EVA1A: variants seen among roughly 807,000 people sequenced by gnomAD.
EVA1A encodes eva-1 homolog A, regulator of programmed cell death, also known as protein eva-1 homolog A.
EVA1A carries 7 observed loss-of-function variants against 9.8 expected under a neutral mutation model. The ratio of observed to expected loss-of-function variants is 0.71; its 90% CI spans 0.41 to 1.34. EVA1A has a LOEUF of 1.34. Among genes scored for constraint, EVA1A ranks in the 40% most tolerant of loss-of-function variants. The pLI, the probability that EVA1A is intolerant of heterozygous loss-of-function variation, is 0.01. For missense variants in EVA1A, 206 were observed against 205.9 expected, an observed-to-expected ratio of 1.00 and a Z score of 0.00; for synonymous variants, 90 against 85.6, an observed-to-expected ratio of 1.05 and a Z score of -0.28.
Position 75,513,376 on chromosome 2 carries a change from C to G in EVA1A, c.85+4680G>C, listed in dbSNP as rs183185686. On this transcript the variant is annotated intron_variant, in intron 3 of 3. Coordinates refer to ENST00000393913, the MANE Select transcript of EVA1A (RefSeq NM_001135032.2). ...CATTAGAACTCTAGACTTATTCATCCCAGAAAACTGCAAGTTTGTATCTTT... is the reference window on the plus strand; with the variant it reads ...CATTAGAACTCTAGACTTATTCATCGCAGAAAACTGCAAGTTTGTATCTTT... Among the ~76,000 whole-genome samples, 750 of 152,242 alleles carry G rather than the reference C, an allele frequency of 4.9e-3. 6 individuals carry two copies. The highest frequency in any genetic ancestry group is 0.01 in the Middle Eastern group (3 of 294).
chr2:75,518,678 C>A, intron 2 of EVA1A: 1 of 987,624 alleles, frequency 1.0e-6, no homozygotes, highest in South Asian at 4.7e-5. Context: ...CCCTGGTTCA[C>A]CTTTGAGGCA....
intron 1 of EVA1A, among the ~76,000 whole-genome samples, chr2:75,537,259 C>G (rs1298611750): frequency 6.6e-6 from 1 of 152,088 alleles, no homozygotes; most frequent in Non-Finnish European, 1.5e-5. Flanking sequence ...AAATTCAACA[C>G]CCATTCATGA....
At chr2:75,518,806 T>C in intron 2 of EVA1A, 3 of 985,564 alleles carry the variant, frequency 3.0e-6, no homozygotes, top group Non-Finnish European at 3.6e-6. Flanking sequence ...CTTGTGTACC[T>C]TGATCAGTTT....
intron 3 of EVA1A, among the ~76,000 whole-genome samples, chr2:75,509,306 A>C (rs907316700): frequency 6.6e-6 from 1 of 152,204 alleles, no homozygotes; most frequent in South Asian, 2.1e-4. Context: ...TAAATGACTG[A>C]ATTTTGGGTA....
chr2:75,561,922 A>C (rs1676933352), upstream of EVA1A, among the ~76,000 whole-genome samples: 1 of 151,992 alleles, frequency 6.6e-6, no homozygotes. Context: ...GATGAAGGAG[A>C]GAGGTGACTC....
At position 75,530,563 on chromosome 2, in the gene EVA1A, T is replaced by G. The variant is rs1314918765; in HGVS notation, c.-191-8076A>C. Among the ~76,000 whole-genome samples the G allele has an allele frequency of 2.0e-5, 3 of 152,166 alleles. No individual in the cohort carries two copies. In the East Asian group the frequency reaches 5.8e-4, roughly 29 times the overall value. On this transcript the variant is annotated intron_variant, in intron 1 of 3. Transcript: ENST00000393913. ...AAAAAAATAGTCCACCATGATCAAG[T>G]GGGTTTTATGCCAGGGATACAGGGA...
upstream of EVA1A, among the ~76,000 whole-genome samples, chr2:75,564,635 C>T (rs1280798714): frequency 3.3e-5 from 5 of 152,174 alleles, no homozygotes; most frequent in East Asian, 9.6e-4. Flanking sequence ...TGTGGCATTC[C>T]CTCAGTGGCG....
chr2:75,504,790 T>C (rs1674551668), intron 3 of EVA1A, among the ~76,000 whole-genome samples: 2 of 149,256 alleles, frequency 1.3e-5, no homozygotes, highest in Admixed American at 1.3e-4. Context: ...CACACAGGGC[T>C]TGTCGGGGGG....
chr2:75,504,281 G>A (rs1165414703), intron 3 of EVA1A, among the ~76,000 whole-genome samples: 1 of 151,974 alleles, frequency 6.6e-6, no homozygotes, highest in Non-Finnish European at 1.5e-5. Flanking sequence ...CGTGGTGGTG[G>A]GTGCCTGTAA....
intron 1 of EVA1A, among the ~76,000 whole-genome samples, chr2:75,558,055 G>T (rs1676784515): frequency 6.6e-6 from 1 of 152,242 alleles, no homozygotes; most frequent in Admixed American, 6.5e-5. Flanking sequence ...TTAGCTCCAT[G>T]ACTCTGGGCA....
At chr2:75,514,464 T>C (rs1018931239) in intron 3 of EVA1A, among the ~76,000 whole-genome samples, 8 of 152,188 alleles carry the variant, frequency 5.3e-5, no homozygotes, top group Non-Finnish European at 1.2e-4. Flanking sequence ...TTGTCTACTA[T>C]ATGTATGGTA....
At chr2:75,509,925 T>TG (rs1036749800) in intron 3 of EVA1A, among the ~76,000 whole-genome samples, 2 of 151,408 alleles carry the variant, frequency 1.3e-5, no homozygotes, top group Admixed American at 6.6e-5. Flanking sequence ...CCTAATGAAG[T>TG]GGGGGGTGGG....
At chr2:75,548,429 C>T (rs1257231463) in intron 1 of EVA1A, among the ~76,000 whole-genome samples, 1 of 152,186 alleles carries the variant, frequency 6.6e-6, no homozygotes, top group African/African-American at 2.4e-5. Flanking sequence ...GCCACCCTGC[C>T]TGGCCTCCTT....
chr2:75,500,506 T>G (rs1354777446), intron 3 of EVA1A, among the ~76,000 whole-genome samples: 1 of 152,034 alleles, frequency 6.6e-6, no homozygotes, highest in Admixed American at 6.5e-5. Flanking sequence ...TATTTATTCA[T>G]GAGTACCTAA....
intron 1 of EVA1A, among the ~76,000 whole-genome samples, chr2:75,558,998 A>AGGGAAAGACT (rs1407074840): frequency 1.3e-5 from 2 of 152,200 alleles, no homozygotes; most frequent in African/African-American, 4.8e-5. Context: ...ACTGGAATGG[A>AGGGAAAGACT]GGGAAAGACT....
At chr2:75,532,714 G>T (rs1439607345) in intron 1 of EVA1A, among the ~76,000 whole-genome samples, 3 of 152,116 alleles carry the variant, frequency 2.0e-5, no homozygotes, top group East Asian at 3.8e-4. Flanking sequence ...AGTAATCAAA[G>T]AAATAATGGC....
chr2:75,511,199 T>C (rs1168353691), intron 3 of EVA1A, among the ~76,000 whole-genome samples: 2 of 152,230 alleles, frequency 1.3e-5, no homozygotes, highest in Non-Finnish European at 2.9e-5. Context: ...TAGGAGTAAA[T>C]TGGTAAAATT....
At chr2:75,561,221 C>T (rs1676913512), upstream of EVA1A, 1 of 152,216 alleles carries the variant, frequency 6.6e-6, no homozygotes, top group South Asian at 2.1e-4. Flanking sequence ...TCCAGGCTTT[C>T]CCCCTGCTGG....
chr2:75,535,431 A>G (rs1321445029), intron 1 of EVA1A, among the ~76,000 whole-genome samples: 1 of 152,200 alleles, frequency 6.6e-6, no homozygotes, highest in Admixed American at 6.5e-5. Flanking sequence ...AAGCAATCCC[A>G]CTACTGGGTA....
Sources: gnomAD v4.1 joint callset for allele counts (sites outside exome capture counted in the v4.1 genomes callset) on GRCh38, gnomAD v4.1.1 for gene constraint, MANE v1.5 for transcripts, NCBI Gene and HGNC (gene_info 2026-07-23, HGNC 2026-07-21) for gene names.